The following FILIP1L variants were observed in gnomAD, a reference collection of about 807,000 sequenced individuals.
The protein encoded by FILIP1L is filamin A-interacting protein 1-like.
A neutral mutation model predicts 96.6 loss-of-function variants in FILIP1L; 55 were observed. The ratio of observed to expected loss-of-function variants is 0.57; its 90% CI spans 0.46 to 0.71. The LOEUF is 0.71. Among genes scored for constraint, FILIP1L ranks in the 30% least tolerant of loss-of-function variants. FILIP1L has a pLI of 0.00. For missense variants in FILIP1L, 1,304 were observed against 1,321.2 expected (o/e 0.99, Z 0.20); for synonymous variants, 467 against 473.9 (o/e 0.99, Z 0.19).
chr3:100,072,657 G>T (rs765732160), intron 1 of FILIP1L, among the ~76,000 whole-genome samples: 19 of 152,150 alleles, frequency 1.2e-4, no homozygotes, highest in Non-Finnish European at 2.5e-4. Flanking sequence ...AATCTTTATT[G>T]CCTTCCAGAA....
At chr3:100,062,750 C>T (rs1275011223) in intron 1 of FILIP1L, among the ~76,000 whole-genome samples, 1 of 152,206 alleles carries the variant, frequency 6.6e-6, no homozygotes, top group African/African-American at 2.4e-5. Flanking sequence ...GCTGAGATGT[C>T]GTTGTGAAAA....
At chr3:100,038,498 TC>T (rs1361701679) in intron 1 of FILIP1L, among the ~76,000 whole-genome samples, 2 of 152,236 alleles carry the variant, frequency 1.3e-5, no homozygotes, top group African/African-American at 4.8e-5. Flanking sequence ...AGTTGTAGTT[TC>T]TTATTGACTG....
chr3:100,083,999 G>A (rs528674373), intron 1 of FILIP1L, among the ~76,000 whole-genome samples: 56 of 152,206 alleles, frequency 3.7e-4, no homozygotes, highest in African/African-American at 1.3e-3. Context: ...ATATTTCTCC[G>A]TTATAGTTAA....
intron 3 of FILIP1L, among the ~76,000 whole-genome samples, chr3:99,926,240 C>G (rs1395460435): frequency 6.6e-6 from 1 of 152,184 alleles, no homozygotes; most frequent in East Asian, 1.9e-4. Flanking sequence ...GCATATAGAA[C>G]CCAGTAAATT....
At chr3:99,929,725 T>C in intron 3 of FILIP1L, 131 bp downstream of exon 3, 1 of 577,204 alleles carries the variant, frequency 1.7e-6, no homozygotes, top group Non-Finnish European at 2.8e-6. Context: ...CGTATTTATC[T>C]GTTTTGTGTA....
chr3:99,950,684 C>A (rs1241104893), intron 1 of FILIP1L, among the ~76,000 whole-genome samples: 1 of 152,180 alleles, frequency 6.6e-6, no homozygotes, highest in Non-Finnish European at 1.5e-5. Context: ...GGAATGGAGG[C>A]AGCCCACGAT....
intron 1 of FILIP1L, among the ~76,000 whole-genome samples, chr3:99,970,385 T>G (rs760079143): frequency 4.6e-5 from 7 of 152,236 alleles, no homozygotes; most frequent in Non-Finnish European, 1.0e-4. Flanking sequence ...CTCTTAAGCA[T>G]GTAATAACTG....
intron 1 of FILIP1L, among the ~76,000 whole-genome samples, chr3:100,112,876 A>G (rs558926983): frequency 1.2e-4 from 19 of 152,388 alleles, no homozygotes; most frequent in African/African-American, 4.6e-4. Flanking sequence ...TGATAAATGT[A>G]GAGAAATGTT....
chr3:100,019,689 A>G (rs2064772731), intron 1 of FILIP1L, among the ~76,000 whole-genome samples: 1 of 152,178 alleles, frequency 6.6e-6, no homozygotes, highest in Non-Finnish European at 1.5e-5. Context: ...TTCTCTTTTT[A>G]AACAGTATGA....
chr3:100,059,465 AT>A (rs771283886), intron 1 of FILIP1L, among the ~76,000 whole-genome samples: 6 of 151,012 alleles, frequency 4.0e-5, no homozygotes, highest in South Asian at 2.1e-4. Flanking sequence ...TTCAGGAAGC[AT>A]TTTTTTTTAG....
intron 1 of FILIP1L, among the ~76,000 whole-genome samples, chr3:100,110,420 C>T (rs573603785): frequency 2.4e-4 from 37 of 152,156 alleles, no homozygotes; most frequent in African/African-American, 8.7e-4. Flanking sequence ...TGCTATCCTC[C>T]CCTGCATTCC....
chr3:99,933,267 C>T (rs1238973327), intron 1 of FILIP1L, among the ~76,000 whole-genome samples: 2 of 152,116 alleles, frequency 1.3e-5, no homozygotes, highest in East Asian at 3.8e-4. Flanking sequence ...ACTGAAGAGA[C>T]TATTTACAAA....
intron 1 of FILIP1L, among the ~76,000 whole-genome samples, chr3:100,034,736 A>C (rs1174166081): frequency 6.6e-6 from 1 of 152,184 alleles, no homozygotes; most frequent in Non-Finnish European, 1.5e-5. Flanking sequence ...GTTGATAAAG[A>C]ATATTAGTGT....
At chr3:99,960,916 A>C (rs1402681818) in intron 1 of FILIP1L, among the ~76,000 whole-genome samples, 1 of 152,200 alleles carries the variant, frequency 6.6e-6, no homozygotes, top group Non-Finnish European at 1.5e-5. Flanking sequence ...CAACAAAGTG[A>C]AATGTAAAAA....
At chr3:100,003,343 T>C (rs1455820317) in intron 1 of FILIP1L, among the ~76,000 whole-genome samples, 1 of 152,232 alleles carries the variant, frequency 6.6e-6, no homozygotes, top group Non-Finnish European at 1.5e-5. Context: ...GCACCTGCCA[T>C]ATGCCCAGCA....
Position 99,849,437 on chromosome 3 carries a change from G to T in FILIP1L, c.2239C>A (p.Gln747Lys), listed in dbSNP as rs1943545422. 1 of 1,613,442 alleles carries T rather than the reference G, an allele frequency of 6.2e-7. No individual in the cohort carries two copies. The highest frequency in any genetic ancestry group is 1.1e-5 in the South Asian group (1 of 91,046). The change falls in exon 5 of 6, where the codon CAA becomes AAA. Residue 747 changes from glutamine to lysine, a missense_variant. By Grantham distance (53) the Gln-to-Lys change is moderately conservative. Coordinates refer to ENST00000477258, the MANE Select transcript of FILIP1L (RefSeq NM_001387850.1). ...CHLQGDHSVLQKKLNQQENRN... is the reference protein window; with the variant it reads ...CHLQGDHSVLKKKLNQQENRN... ...TTTTCTTGTTGATTTAGTTTTTTTT[G>T]CAGGACTGAGTGATCTCCCTGGAGG...
At chr3:100,005,063 C>G (rs1040963857) in intron 1 of FILIP1L, among the ~76,000 whole-genome samples, 5 of 152,116 alleles carry the variant, frequency 3.3e-5, no homozygotes, top group African/African-American at 1.2e-4. Flanking sequence ...CAGGACGTAA[C>G]CAGAAAGCCA....
rs116702329 is a variant in FILIP1L, at chr3:99,963,037, G to A, written c.-10-32007C>T. ...GGAGCTAGCCTGGGTTTTACCAGCC[G>A]TTGAGGTTGCTTGCAGCCTTAGTTT... On this transcript the variant is annotated intron_variant, in intron 1 of 5. Coordinates refer to ENST00000477258, the MANE Select transcript of FILIP1L (RefSeq NM_001387850.1). 4.7e-3 allele frequency among the ~76,000 whole-genome samples: 709 copies of A among 152,334 alleles called. 6 individuals are homozygous for A. The highest frequency in any genetic ancestry group is 0.016 in the African/African-American group (671 of 41,574).
At chr3:100,076,001 A>C (rs2065844617) in intron 1 of FILIP1L, among the ~76,000 whole-genome samples, 2 of 152,144 alleles carry the variant, frequency 1.3e-5, no homozygotes, top group East Asian at 3.9e-4. Context: ...AAACTATGTA[A>C]TTTCTAAGAT....
Sources: gnomAD v4.1 joint callset for allele counts (sites outside exome capture counted in the v4.1 genomes callset) on GRCh38, gnomAD v4.1.1 for gene constraint, MANE v1.5 for transcripts, NCBI Gene and HGNC (gene_info 2026-07-23, HGNC 2026-07-21) for gene names.